AFAP1: variants seen among roughly 807,000 people sequenced by gnomAD.
The protein encoded by AFAP1 is actin filament-associated protein 1.
Under a neutral mutation model 93.9 loss-of-function variants are expected in AFAP1, and 75 were observed. The observed-to-expected ratio is 0.80, with a 90% confidence interval of 0.66 to 0.97. The LOEUF (loss-of-function observed/expected upper bound fraction) is 0.97. AFAP1 is among the 50% of genes least tolerant of loss of function. The pLI, the probability that AFAP1 is intolerant of heterozygous loss-of-function variation, is 0.00. For synonymous variants in AFAP1, 517 were observed against 430.7 expected (o/e 1.20, Z -2.48); for missense variants, 1,201 against 1,050.8 (o/e 1.14, Z -1.98).
rs148237038 is a variant in AFAP1, at chr4:7,760,869, C to A, written c.*2896G>T. ...CGTGGCCACCACATTCCTCGCATTG[C>A]GGTCGGCACCGTAGTACAGGTGGCT... On this transcript the variant is annotated 3_prime_UTR_variant, in exon 18 of 18. Coordinates refer to ENST00000420658, the MANE Select transcript of AFAP1 (RefSeq NM_001134647.2). The A allele has an allele frequency of 1.3e-5, 2 of 152,302 alleles. No homozygotes were observed. The highest frequency in any genetic ancestry group is 2.4e-5 in the African/African-American group (1 of 41,466). The allele number at this position is 152,302 out of a possible 1,614,324, so 9.4% of individuals were successfully genotyped here.
At chr4:7,838,424 G>A (rs1712570987) in intron 6 of AFAP1, 100 bp downstream of exon 6, 7 of 1,358,712 alleles carry the variant, frequency 5.2e-6, no homozygotes, top group Admixed American at 2.7e-5. Flanking sequence ...AATCCATCTT[G>A]CCTATGCTTG....
intron 6 of AFAP1, among the ~76,000 whole-genome samples, chr4:7,824,354 G>A (rs897215124): frequency 8.6e-5 from 13 of 152,018 alleles, no homozygotes; most frequent in African/African-American, 2.2e-4. Flanking sequence ...TGACCACTCC[G>A]TTTCTGGGAA....
intron 17 of AFAP1, among the ~76,000 whole-genome samples, chr4:7,764,070 A>C (rs1160446596): frequency 6.6e-6 from 1 of 152,356 alleles, no homozygotes; most frequent in Non-Finnish European, 1.5e-5. Flanking sequence ...ATGGATAGAC[A>C]TGTAAAACAT....
chr4:7,921,350 A>AT (rs1287440319), intron 1 of AFAP1, among the ~76,000 whole-genome samples: 1 of 151,546 alleles, frequency 6.6e-6, no homozygotes, highest in Non-Finnish European at 1.5e-5. Flanking sequence ...CGCCTGGCTA[A>AT]TTTTTTTATT....
At chr4:7,790,608 C>A (rs1717775702) in intron 11 of AFAP1, among the ~76,000 whole-genome samples, 1 of 152,000 alleles carries the variant, frequency 6.6e-6, no homozygotes, top group African/African-American at 2.4e-5. Flanking sequence ...ACTTTTATGT[C>A]TGCTAGTTGG....
At chr4:7,813,828 A>G (rs913316314) in intron 8 of AFAP1, among the ~76,000 whole-genome samples, 2 of 152,190 alleles carry the variant, frequency 1.3e-5, no homozygotes, top group African/African-American at 4.8e-5. Flanking sequence ...AACAGTCCAG[A>G]TTCTTTGAGC....
rs1022966867 is a variant in AFAP1, at chr4:7,762,884, C to CCCCAGAGG, written c.*873_*880dup. 4 of 152,318 alleles carry CCCCAGAGG rather than the reference C, an allele frequency of 2.6e-5. No individual in the cohort carries two copies. Among genetic ancestry groups the CCCCAGAGG allele is most frequent in the African/African-American group, 9.7e-5 (4 of 41,444 alleles). 9.4% of individuals were successfully genotyped at this position (152,318 alleles called of 1,614,324 possible). A position where few individuals can be genotyped will look rare whatever the true frequency, so the allele number is the denominator to read the frequency against. Reference sequence around the variant, plus strand: ...ACAGCGGCGAGGAGCCAGCCCCTGCCCCCAGAGGCTCCTGGTGTGAGAAGC... The same window carrying CCCCAGAGG: ...ACAGCGGCGAGGAGCCAGCCCCTGCCCCCAGAGGCCCAGAGGCTCCTGGTGTGAGAAGC... On this transcript the variant is annotated 3_prime_UTR_variant, in exon 18 of 18. Transcript: ENST00000420658.
chr4:7,872,116 G>A (rs1717108506), intron 1 of AFAP1, 36 bp from the exon 2 acceptor site: 3 of 1,610,514 alleles, frequency 1.9e-6, no homozygotes, highest in Non-Finnish European at 2.5e-6. Flanking sequence ...ATTAGACCCA[G>A]TGATTTGCAA....
In AFAP1 at chr4:7,778,810, G is replaced by GAC. The variant is rs768273441; in HGVS notation, c.1847_1848dup (p.Gln617ValfsTer12). 1 of 1,614,200 alleles carries GAC rather than the reference G, an allele frequency of 6.2e-7. No homozygotes were observed. Among genetic ancestry groups the GAC allele is most frequent in the Non-Finnish European group, 8.5e-7 (1 of 1,180,038 alleles). On this transcript the variant is annotated frameshift_variant, in exon 14 of 18. Coordinates refer to ENST00000420658, the MANE Select transcript of AFAP1 (RefSeq NM_001134647.2). LOFTEE classifies it high-confidence loss of function. Reference sequence around the variant, plus strand: ...GCCGCGGGATCCGCTTTCTTTGGCTGACTGCTCAGAGTCTTCCCTTTTCCT... The same window carrying GAC: ...GCCGCGGGATCCGCTTTCTTTGGCTGACACTGCTCAGAGTCTTCCCTTTTCCT...
chr4:7,881,840 C>T (rs1717868051), intron 1 of AFAP1, among the ~76,000 whole-genome samples: 1 of 151,982 alleles, frequency 6.6e-6, no homozygotes, highest in Non-Finnish European at 1.5e-5. Context: ...AACCTGGATC[C>T]ACATCCCAGC....
chr4:7,799,157 G>C (rs906045314), intron 10 of AFAP1: 1 of 898,778 alleles, frequency 1.1e-6, no homozygotes, highest in Non-Finnish European at 1.3e-6. Context: ...GTCAGGGTCT[G>C]CACAGAGCTG....
At chr4:7,845,411 G>T (rs894212829) in intron 4 of AFAP1, among the ~76,000 whole-genome samples, 1 of 145,160 alleles carries the variant, frequency 6.9e-6, no homozygotes, top group Admixed American at 6.9e-5. Context: ...AACAGAACAA[G>T]ATTATTATTA....
At chr4:7,872,178 G>T (rs1577323415) in intron 1 of AFAP1, 98 bp from the exon 2 acceptor site, 1 of 1,461,702 alleles carries the variant, frequency 6.8e-7, no homozygotes, top group Non-Finnish European at 9.3e-7. Flanking sequence ...TGTTTAGCTT[G>T]ATCATTGGAT....
At chr4:7,918,554 C>T (rs1229198986) in intron 1 of AFAP1, among the ~76,000 whole-genome samples, 4 of 124,442 alleles carry the variant, frequency 3.2e-5, no homozygotes, top group African/African-American at 6.5e-5. Context: ...AACAGGGCTG[C>T]CAGATGAGAC....
intron 1 of AFAP1, among the ~76,000 whole-genome samples, chr4:7,899,797 C>T (rs1020177395): frequency 2.6e-5 from 4 of 152,064 alleles, no homozygotes; most frequent in African/African-American, 9.7e-5. Flanking sequence ...GGCAAATAGG[C>T]TTCAACCAAC....
chr4:7,852,389 G>A (rs187368094), intron 4 of AFAP1, among the ~76,000 whole-genome samples: 26 of 152,284 alleles, frequency 1.7e-4, no homozygotes, highest in African/African-American at 6.0e-4. Flanking sequence ...GGCTCCTCGT[G>A]TCAGTAACAG....
intron 1 of AFAP1, among the ~76,000 whole-genome samples, chr4:7,904,296 C>A (rs2149219631): frequency 6.6e-6 from 1 of 152,136 alleles, no homozygotes; most frequent in South Asian, 2.1e-4. Context: ...AAACGGCTCT[C>A]CACACATGAC....
intron 17 of AFAP1, 100 bp downstream of exon 17, chr4:7,768,744 C>T: frequency 1.5e-6 from 2 of 1,360,648 alleles, no homozygotes; most frequent in East Asian, 2.7e-5. Flanking sequence ...CAAGTGGATG[C>T]AGTAGGAAGA....
Position 7,765,824 on chromosome 4 carries a change from C to G in AFAP1, c.2419-2033G>C, listed in dbSNP as rs570527847. 2.8e-4 allele frequency among the ~76,000 whole-genome samples: 42 copies of G among 152,264 alleles called. No individual in the cohort carries two copies. The South Asian group carries it at 8.7e-3, about 32-fold the overall frequency. On this transcript the variant is annotated intron_variant, in intron 17 of 17. Coordinates refer to ENST00000420658, the MANE Select transcript of AFAP1 (RefSeq NM_001134647.2). ...TTCATCTCTCTGAGCCATGGTACAACGTGAGTCCCACCAAGGACTTCAAAG... is the reference window on the plus strand; with the variant it reads ...TTCATCTCTCTGAGCCATGGTACAAGGTGAGTCCCACCAAGGACTTCAAAG...
Sources: gnomAD v4.1 joint callset for allele counts (sites outside exome capture counted in the v4.1 genomes callset) on GRCh38, gnomAD v4.1.1 for gene constraint, MANE v1.5 for transcripts, NCBI Gene and HGNC (gene_info 2026-07-23, HGNC 2026-07-21) for gene names.